SLC18B1: variants seen among roughly 807,000 people sequenced by gnomAD.
The protein encoded by SLC18B1 is MFS-type transporter SLC18B1.
SLC18B1 carries 62 observed loss-of-function variants against 53.9 expected under a neutral mutation model. The observed-to-expected ratio is 1.15, with a 90% confidence interval of 0.94 to 1.42. The LOEUF (loss-of-function observed/expected upper bound fraction) is 1.42. Ranked by LOEUF, SLC18B1 falls within the 40% of genes most tolerant of loss-of-function variation. SLC18B1 has a pLI of 0.00. For synonymous variants in SLC18B1, 217 were observed against 200.9 expected, an observed-to-expected ratio of 1.08 and a Z score of -0.68; for missense variants, 598 against 547.3, an observed-to-expected ratio of 1.09 and a Z score of -0.93.
Position 132,770,230 on chromosome 6 carries a change from A to C in SLC18B1, c.*40T>G. The stretch of plus-strand genomic sequence containing the variant: ...TACGGTGATGTTTAAGGCCAGGAGC[A>C]TTCATTTCTCAACCTTGTATCAATC... On this transcript the variant is annotated 3_prime_UTR_variant, in exon 14 of 14. Coordinates refer to ENST00000275227, the MANE Select transcript of SLC18B1 (RefSeq NM_052831.3). The C allele has an allele frequency of 6.5e-7, 1 of 1,540,160 alleles. No homozygotes were observed. Among genetic ancestry groups the C allele is most frequent in the Non-Finnish European group, 9.0e-7 (1 of 1,114,982 alleles).
At chr6:132,778,085 G>A (rs189638804) in intron 7 of SLC18B1, among the ~76,000 whole-genome samples, 38 of 152,224 alleles carry the variant, frequency 2.5e-4, no homozygotes, top group African/African-American at 8.2e-4. Flanking sequence ...TATCTCTTGC[G>A]GGCAGGGGCG....
intron 6 of SLC18B1, among the ~76,000 whole-genome samples, chr6:132,780,804 C>T (rs1490062245): frequency 6.6e-6 from 1 of 152,112 alleles, no homozygotes; most frequent in African/African-American, 2.4e-5. Context: ...TCGTGATCCA[C>T]CTGCCTTGGC....
Position 132,777,237 on chromosome 6 carries a change from T to C in SLC18B1, c.796-808A>G, listed in dbSNP as rs570811830. Among the ~76,000 whole-genome samples, 4 of 151,936 alleles carry C rather than the reference T, an allele frequency of 2.6e-5. No individual in the cohort carries two copies. In the East Asian group the frequency reaches 7.8e-4, roughly 30 times the overall value. On this transcript the variant is annotated intron_variant, in intron 7 of 13. Coordinates refer to ENST00000275227, the MANE Select transcript of SLC18B1 (RefSeq NM_052831.3). ...GCCTGGGTGACACAGTGAGACTCTG[T>C]CTCAAAAGCAAAAAAAGTTCTGATA... is the stretch of plus-strand genomic sequence containing the variant.
chr6:132,792,329 AAGGAAGGAAGGAAGGAAGGAAGGAAGGG>A (rs1280755043), intron 2 of SLC18B1, among the ~76,000 whole-genome samples: 17 of 126,368 alleles, frequency 1.3e-4, no homozygotes, highest in Admixed American at 2.2e-4. Flanking sequence ...GGAAGGAAGG[AAGGAAGGAAGGAAGGAAGGAAGGAAGGG>A]AAAGAAAGAA....
chr6:132,783,617 G>A (rs1582864100), intron 6 of SLC18B1, among the ~76,000 whole-genome samples: 1 of 152,186 alleles, frequency 6.6e-6, no homozygotes, highest in South Asian at 2.1e-4. Flanking sequence ...AGCCTTCTAG[G>A]AAGACTGGGC....
chr6:132,779,317 G>C lies in SLC18B1; in HGVS notation c.746C>G (p.Ser249Trp). The change falls in exon 7 of 14, where the codon TCG (serine) becomes TGG (tryptophan). Residue 249 changes from serine (S) to tryptophan (W), a missense_variant. Ser to Trp is a radical substitution (Grantham distance 177, BLOSUM62 -3). Transcript: ENST00000275227. Reference sequence around the variant, plus strand: ...AGTAGGATCGAGGAAGCCAAAACACGAGCTGAGTGAGTTGATGACGAAGGC... The same window carrying C: ...AGTAGGATCGAGGAAGCCAAAACACCAGCTGAGTGAGTTGATGACGAAGGC... ...LIAFVINSLSSCFGFLDPTLS... is the reference protein window; with the variant it reads ...LIAFVINSLSWCFGFLDPTLS... 6.2e-7 allele frequency: 1 copy of C among 1,613,972 alleles called. No homozygotes were observed. Among genetic ancestry groups the C allele is most frequent in the South Asian group, 1.1e-5 (1 of 91,074 alleles).
chr6:132,774,291 ACCAGAAGC>A lies in SLC18B1; in HGVS notation c.912_919del (p.Trp304CysfsTer23). ...CCCGGCTGTGATTAAGTTGCCAAAC[ACCAGAAGC>A]CATTTCCTTAGAGGCTGGTAAAGGA... On this transcript the variant is annotated frameshift_variant, in exon 9 of 14. Coordinates refer to ENST00000275227, the MANE Select transcript of SLC18B1 (RefSeq NM_052831.3). LOFTEE classifies it high-confidence loss of function. The A allele has an allele frequency of 6.2e-7, 1 of 1,613,170 alleles. No individual in the cohort carries two copies.
rs1262551898 is a variant in SLC18B1 at position 132,772,218 on chromosome 6, G to A, written c.1086-12C>T. On this transcript the variant is annotated splice_polypyrimidine_tract_variant and intron_variant, in intron 10 of 13. Transcript: ENST00000275227. ...CAAACCCATTTTCACTGCAAAAAGA[G>A]ACATGAGTGTATCCATTATTAAAAG... The A allele has an allele frequency of 6.6e-7, 1 of 1,526,244 alleles. No individual in the cohort carries two copies. Among genetic ancestry groups the A allele is most frequent in the East Asian group, 2.5e-5 (1 of 40,588 alleles). The allele number at this position is 1,526,244 out of a possible 1,614,324, so 94.5% of individuals were successfully genotyped here. A position where few individuals can be genotyped will look rare whatever the true frequency, so the allele number is the denominator to read the frequency against.
intron 6 of SLC18B1, among the ~76,000 whole-genome samples, chr6:132,783,249 T>C (rs1377351503): frequency 6.6e-6 from 1 of 152,122 alleles, no homozygotes; most frequent in East Asian, 1.9e-4. Flanking sequence ...CGATCTCAGC[T>C]CACTGCAACC....
At chr6:132,786,555 CAAAAA>C (rs56886747) in intron 5 of SLC18B1, among the ~76,000 whole-genome samples, 2 of 78,616 alleles carry the variant, frequency 2.5e-5, no homozygotes, top group Non-Finnish European at 5.2e-5. Context: ...TCCCCCACTC[CAAAAA>C]AAAAAAAAAA....
chr6:132,793,765 C>T (rs555244560), intron 2 of SLC18B1, among the ~76,000 whole-genome samples: 11 of 152,274 alleles, frequency 7.2e-5, no homozygotes, highest in African/African-American at 2.6e-4. Flanking sequence ...TTGATGTGAC[C>T]GTGCATGTAC....
chr6:132,775,527 C>G (rs577365231), intron 8 of SLC18B1, among the ~76,000 whole-genome samples: 1 of 152,272 alleles, frequency 6.6e-6, no homozygotes, highest in East Asian at 1.9e-4. Context: ...ACAAGTAATT[C>G]TGTTCTTGAT....
rs1781718894 is a variant in SLC18B1 at position 132,797,257 on chromosome 6, A to T, written c.44-136T>A. 4.8e-6 allele frequency: 5 copies of T among 1,049,922 alleles called. No homozygotes were observed. The East Asian group carries it at 1.3e-4, about 27-fold the overall frequency. 65.0% of individuals were successfully genotyped at this position (1,049,922 alleles called of 1,614,324 possible). On this transcript the variant is annotated intron_variant, in intron 1 of 13. Transcript: ENST00000275227. Reference sequence around the variant, plus strand: ...CTTAGGGCTATTTTGAATATAGCACATTTGATCAAATGGAACACAATCCTT... The same window carrying T: ...CTTAGGGCTATTTTGAATATAGCACTTTTGATCAAATGGAACACAATCCTT...
At position 132,770,101 on chromosome 6, in the gene SLC18B1, GTAAGTACAGCCC is replaced by G; in HGVS notation, c.*157_*168del. On this transcript the variant is annotated 3_prime_UTR_variant, in exon 14 of 14. Transcript: ENST00000275227. ...AGCAGGACAGCTTTTCAGTATCACA[GTAAGTACAGCCC>G]AATACAGGATCATCCAAAAACACGT... 1 of 487,630 alleles carries G rather than the reference GTAAGTACAGCCC, an allele frequency of 2.1e-6. No individual in the cohort carries two copies. Among genetic ancestry groups the G allele is most frequent in the Non-Finnish European group, 3.7e-6 (1 of 272,276 alleles). The allele number at this position is 487,630 out of a possible 1,614,324, so 30.2% of individuals were successfully genotyped here.
At chr6:132,787,045 T>G (rs945240261) in intron 5 of SLC18B1, among the ~76,000 whole-genome samples, 13 of 152,186 alleles carry the variant, frequency 8.5e-5, no homozygotes, top group Non-Finnish European at 1.0e-4. Flanking sequence ...TTAGTATGAA[T>G]TGATTATTTT....
intron 6 of SLC18B1, 27 bp downstream of exon 6, chr6:132,783,906 T>C: frequency 6.7e-7 from 1 of 1,486,554 alleles, no homozygotes; most frequent in Non-Finnish European, 8.9e-7. Flanking sequence ...TTAAGGTTCT[T>C]AAAATGAGTA....
rs111980832 is a variant in SLC18B1 at position 132,779,338 on chromosome 6, A to G, written c.725T>C (p.Phe242Ser). Residue 242 changes from phenylalanine to serine, a missense_variant, in exon 7 of 14, where the codon TTC becomes TCC. Phe to Ser is a radical substitution (Grantham distance 155, BLOSUM62 -2). Coordinates refer to ENST00000275227, the MANE Select transcript of SLC18B1 (RefSeq NM_052831.3). ...IALPKVGLIAFVINSLSSCFG... is the reference protein window; with the variant it reads ...IALPKVGLIASVINSLSSCFG... The stretch of plus-strand genomic sequence containing the variant: ...ACACGAGCTGAGTGAGTTGATGACG[A>G]AGGCTATAAGGCCAACTTTGGGTAA... The G allele has an allele frequency of 1.2e-6, 2 of 1,613,968 alleles. No individual in the cohort carries two copies. Among genetic ancestry groups the G allele is most frequent in the Non-Finnish European group, 1.7e-6 (2 of 1,179,960 alleles).
At chr6:132,794,409 ATTG>A (rs147289217) in intron 2 of SLC18B1, among the ~76,000 whole-genome samples, 7,121 of 151,894 alleles carry the variant, frequency 0.047, 570 homozygotes, top group African/African-American at 0.16. Flanking sequence ...TGGCATTATT[ATTG>A]TTATTATTAT....
At chr6:132,792,359 A>AGGAAG (rs1423315356) in intron 2 of SLC18B1, among the ~76,000 whole-genome samples, 6 of 135,994 alleles carry the variant, frequency 4.4e-5, no homozygotes, top group Admixed American at 2.1e-4. Flanking sequence ...AAGGAAGGGA[A>AGGAAG]AGAAAGAAAA....
Sources: gnomAD v4.1 joint callset for allele counts (sites outside exome capture counted in the v4.1 genomes callset) on GRCh38, gnomAD v4.1.1 for gene constraint, MANE v1.5 for transcripts, NCBI Gene and HGNC (gene_info 2026-07-23, HGNC 2026-07-21) for gene names.